Variants in PDZRN4 observed in about 807,000 individuals in gnomAD.
PDZRN4 encodes PDZ domain-containing RING finger protein 4.
A neutral mutation model predicts 99.0 loss-of-function variants in PDZRN4; 70 were observed. The observed-to-expected ratio is 0.71, with a 90% CI of 0.58 to 0.86. PDZRN4 has a LOEUF of 0.86. Ranked by LOEUF, PDZRN4 falls within the 40% of genes least tolerant of loss-of-function variation. PDZRN4 has a pLI of 0.00. For missense variants in PDZRN4, 1,474 were observed against 1,331.2 expected (o/e 1.11, Z -1.67); for synonymous variants, 551 against 501.6 (o/e 1.10, Z -1.32).
At chr12:41,202,453 A>C (rs1434551691) in intron 3 of PDZRN4, among the ~76,000 whole-genome samples, 2 of 152,106 alleles carry the variant, frequency 1.3e-5, no homozygotes, top group African/African-American at 4.8e-5. Context: ...TGTCTTGAGA[A>C]AGTGTCACAA....
chr12:41,528,681 T>A (rs1037094629), intron 5 of PDZRN4, among the ~76,000 whole-genome samples: 1 of 152,236 alleles, frequency 6.6e-6, no homozygotes, highest in African/African-American at 2.4e-5. Context: ...AGAAAACATA[T>A]TTTTGAAGAT....
Position 41,461,854 on chromosome 12 carries a change from C to A in PDZRN4, c.844-44602C>A, listed in dbSNP as rs11180928. Among the ~76,000 whole-genome samples the A allele has an allele frequency of 5.3e-3, 809 of 152,154 alleles. 44 individuals carry two copies. In the East Asian group the frequency reaches 0.13, roughly 24 times the overall value. Reference sequence around the variant, plus strand: ...GCTTTATATTTTAATTGAGTGCATGCCTGTCTTTCTCCTCTAGAACAAAAC... The same window carrying A: ...GCTTTATATTTTAATTGAGTGCATGACTGTCTTTCTCCTCTAGAACAAAAC... On this transcript the variant is annotated intron_variant, in intron 3 of 9. Transcript: ENST00000402685.
chr12:41,561,671 T>A (rs1227732407), intron 7 of PDZRN4, among the ~76,000 whole-genome samples: 1 of 150,878 alleles, frequency 6.6e-6, no homozygotes, highest in Non-Finnish European at 1.5e-5. Context: ...GAGAAGTATA[T>A]TTCAAACAGA....
intron 3 of PDZRN4, among the ~76,000 whole-genome samples, chr12:41,247,256 A>G (rs1410577104): frequency 2.6e-5 from 4 of 152,208 alleles, no homozygotes; most frequent in African/African-American, 9.7e-5. Context: ...GATGCTTATT[A>G]TATTGCCTAC....
chr12:41,421,834 T>C (rs776488940), intron 3 of PDZRN4, among the ~76,000 whole-genome samples: 2 of 152,144 alleles, frequency 1.3e-5, no homozygotes, highest in Non-Finnish European at 2.9e-5. Context: ...TAGTAAAGTA[T>C]TACCAACAAT....
At chr12:41,201,833 T>G (rs1007273978) in intron 3 of PDZRN4, among the ~76,000 whole-genome samples, 1 of 152,152 alleles carries the variant, frequency 6.6e-6, no homozygotes, top group Non-Finnish European at 1.5e-5. Flanking sequence ...CTTTCTAGAC[T>G]GTTTCTTATA....
intron 3 of PDZRN4, among the ~76,000 whole-genome samples, chr12:41,439,748 A>T (rs574557297): frequency 6.6e-6 from 1 of 152,220 alleles, no homozygotes; most frequent in Admixed American, 6.5e-5. Flanking sequence ...TCTACTCCTG[A>T]GTTGCAGTAC....
chr12:41,207,378 A>G (rs1039697743), intron 3 of PDZRN4, among the ~76,000 whole-genome samples: 3 of 151,828 alleles, frequency 2.0e-5, no homozygotes, highest in Non-Finnish European at 2.9e-5. Flanking sequence ...AAAATTATCT[A>G]ATAAACAATT....
chr12:41,374,537 G>A (rs1430700064), intron 3 of PDZRN4, among the ~76,000 whole-genome samples: 1 of 152,192 alleles, frequency 6.6e-6, no homozygotes, highest in Non-Finnish European at 1.5e-5. Context: ...TTTCAGAGAA[G>A]AGCTTATTCT....
At chr12:41,313,208 T>G (rs143062068) in intron 3 of PDZRN4, among the ~76,000 whole-genome samples, 2 of 152,282 alleles carry the variant, frequency 1.3e-5, no homozygotes, top group Non-Finnish European at 2.9e-5. Context: ...TAAATCTCTT[T>G]CCTCCTCATT....
intron 3 of PDZRN4, chr12:41,411,717 G>A (rs1592049623): frequency 6.6e-6 from 1 of 152,276 alleles, no homozygotes; most frequent in Non-Finnish European, 1.5e-5. Flanking sequence ...ACATCAAAAG[G>A]CATTTCATTT....
intron 3 of PDZRN4, among the ~76,000 whole-genome samples, chr12:41,341,107 G>A (rs1459847542): frequency 2.6e-5 from 4 of 151,206 alleles, no homozygotes; most frequent in Non-Finnish European, 4.4e-5. Context: ...AGACAAAAAC[G>A]TGATCATTTC....
At chr12:41,341,470 A>G (rs1035663525) in intron 3 of PDZRN4, among the ~76,000 whole-genome samples, 2 of 151,864 alleles carry the variant, frequency 1.3e-5, no homozygotes, top group Non-Finnish European at 2.9e-5. Flanking sequence ...ACACTGAAAA[A>G]CTGTTTGGAC....
At chr12:41,542,915 C>T (rs1938883976) in intron 5 of PDZRN4, among the ~76,000 whole-genome samples, 2 of 152,004 alleles carry the variant, frequency 1.3e-5, no homozygotes, top group South Asian at 4.1e-4. Flanking sequence ...CTTGCTTTCT[C>T]TCAATCATCC....
chr12:41,404,235 T>C (rs1952325986), intron 3 of PDZRN4, among the ~76,000 whole-genome samples: 1 of 152,164 alleles, frequency 6.6e-6, no homozygotes, highest in Admixed American at 6.6e-5. Context: ...AACCCATGGA[T>C]TCGGAAGACC....
intron 4 of PDZRN4, among the ~76,000 whole-genome samples, chr12:41,507,880 A>G (rs1274805315): frequency 1.3e-5 from 2 of 152,114 alleles, no homozygotes; most frequent in African/African-American, 2.4e-5. Flanking sequence ...ATGAACAAAA[A>G]TAAAGTCACT....
chr12:41,313,110 A>G (rs1174636760), intron 3 of PDZRN4, among the ~76,000 whole-genome samples: 2 of 152,160 alleles, frequency 1.3e-5, no homozygotes, highest in Non-Finnish European at 2.9e-5. Context: ...AACCAGAAAT[A>G]CAAAAATTAT....
Position 41,428,631 on chromosome 12 carries a change from T to G in PDZRN4, c.844-77825T>G, listed in dbSNP as rs1592056054. 2.0e-5 allele frequency among the ~76,000 whole-genome samples: 3 copies of G among 152,240 alleles called. No homozygotes were observed. In the South Asian group the frequency reaches 6.2e-4, roughly 32 times the overall value. On this transcript the variant is annotated intron_variant, in intron 3 of 9. Coordinates refer to ENST00000402685, the MANE Select transcript of PDZRN4 (RefSeq NM_001164595.2). ...GTGTACATGCACGTGTGTGTGCAAG[T>G]GTATATGTATGTGTGTATGATAGCA... is the stretch of plus-strand genomic sequence containing the variant.
At chr12:41,317,059 T>TATATATATATATATATATAC (rs1951643617) in intron 3 of PDZRN4, among the ~76,000 whole-genome samples, 1 of 139,680 alleles carries the variant, frequency 7.2e-6, no homozygotes, top group Non-Finnish European at 1.6e-5. Context: ...TATATATATA[T>TATATATATATATATATATAC]ATATATATAT....
Sources: allele counts gnomAD v4.1 joint callset (sites outside exome capture counted in the v4.1 genomes callset), GRCh38; gene constraint gnomAD v4.1.1; transcripts MANE v1.5; gene names NCBI Gene and HGNC (gene_info 2026-07-23, HGNC 2026-07-21).